The following HFM1 variants were observed in gnomAD, a reference collection of about 807,000 sequenced individuals.
The protein encoded by HFM1 is probable ATP-dependent DNA helicase HFM1.
A neutral mutation model predicts 192.1 loss-of-function variants in HFM1; 169 were observed. That is an observed-to-expected ratio of 0.88 (90% confidence interval 0.78 to 1.00). HFM1 has a LOEUF of 1.00. HFM1 is among the 50% of genes least tolerant of loss of function. The pLI, the probability that HFM1 is intolerant of heterozygous loss-of-function variation, is 0.00. For missense variants in HFM1, 1,661 were observed against 1,668.0 expected (o/e 1.00, Z 0.07); for synonymous variants, 525 against 537.8 (o/e 0.98, Z 0.33).
intron 20 of HFM1, chr1:91,329,177 G>A: frequency 6.2e-7 from 1 of 1,610,134 alleles, no homozygotes; most frequent in Non-Finnish European, 8.5e-7. Context: ...ACCCCAACAA[G>A]TACCCTTTGC....
intron 4 of HFM1, among the ~76,000 whole-genome samples, chr1:91,387,772 CGGGGGAG>C (rs1292561486): frequency 1.9e-5 from 1 of 53,742 alleles, no homozygotes; most frequent in Non-Finnish European, 3.6e-5. Context: ...GTGGTGGGGT[CGGGGGAG>C]GGGGGAGGGA....
At chr1:91,385,958 G>T in intron 4 of HFM1, 124 bp from the exon 5 acceptor site, 1 of 716,444 alleles carries the variant, frequency 1.4e-6, no homozygotes, top group East Asian at 2.6e-5. Context: ...AAACAAAAAA[G>T]CTAAACATTC....
intron 30 of HFM1, among the ~76,000 whole-genome samples, chr1:91,310,282 T>C (rs1557826946): frequency 6.6e-6 from 1 of 152,116 alleles, no homozygotes; most frequent in African/African-American, 2.4e-5. Flanking sequence ...CTTCAAAATA[T>C]GGATGGAAAA....
chr1:91,308,482 A>G (rs973752592), intron 30 of HFM1, among the ~76,000 whole-genome samples: 1 of 152,044 alleles, frequency 6.6e-6, no homozygotes, highest in African/African-American at 2.4e-5. Context: ...CTTTTCATGC[A>G]TTTACCTATT....
In HFM1 at chr1:91,291,616, C is replaced by A. The variant is rs568400326; in HGVS notation, c.3392-14554G>T. Among the ~76,000 whole-genome samples, 3 of 152,242 alleles carry A rather than the reference C, an allele frequency of 2.0e-5. No homozygotes were observed. The South Asian group carries it at 6.2e-4, about 32-fold the overall frequency. On this transcript the variant is annotated intron_variant, in intron 30 of 38. Transcript: ENST00000370425. ...AGATGGATTCATAGCCGAATTCTAC[C>A]AGAGGTACAAGTAGGAACTGGTACC...
At chr1:91,396,920 G>T (rs1265329776) in intron 2 of HFM1, among the ~76,000 whole-genome samples, 1 of 152,178 alleles carries the variant, frequency 6.6e-6, no homozygotes, top group African/African-American at 2.4e-5. Context: ...GAGCATTACT[G>T]CCTGAGCTCT....
At chr1:91,268,576 C>T (rs1665986235) in intron 34 of HFM1, among the ~76,000 whole-genome samples, 1 of 151,972 alleles carries the variant, frequency 6.6e-6, no homozygotes, top group Admixed American at 6.6e-5. Flanking sequence ...CAGTTTTACA[C>T]AGTATTGTGC....
rs1403178123 is a variant in HFM1 at position 91,319,397 on chromosome 1, G to A, written c.2583-7C>T. 3.2e-6 allele frequency: 5 copies of A among 1,579,242 alleles called. No homozygotes were observed. The highest frequency in any genetic ancestry group is 4.3e-6 in the Non-Finnish European group (5 of 1,150,026). On this transcript the variant is annotated splice_region_variant and splice_polypyrimidine_tract_variant and intron_variant, in intron 23 of 38. Coordinates refer to ENST00000370425, the MANE Select transcript of HFM1 (RefSeq NM_001017975.6). Reference sequence around the variant, plus strand: ...TAGTTGAGCCTGAATAAGACTGGGGGAAAGAAAAAAAATTGTTACTCCCTT... The same window carrying A: ...TAGTTGAGCCTGAATAAGACTGGGGAAAAGAAAAAAAATTGTTACTCCCTT...
intron 4 of HFM1, among the ~76,000 whole-genome samples, chr1:91,387,913 T>TAATTAAAAAAAAAA (rs971736788): frequency 1.1e-5 from 1 of 87,442 alleles, no homozygotes; most frequent in Non-Finnish European, 2.3e-5. Flanking sequence ...ACTTAGAGTA[T>TAATTAAAAAAAAAA]AATTAAAAAA....
chr1:91,382,383 C>A (rs1196154926), intron 6 of HFM1, among the ~76,000 whole-genome samples: 2 of 152,146 alleles, frequency 1.3e-5, no homozygotes, highest in East Asian at 3.8e-4. Flanking sequence ...CCTCCCCACC[C>A]TCATCCCAAG....
chr1:91,385,838 C>A lies in HFM1; in HGVS notation c.495-4G>T. ...ATTGTCAGATATTTTAAATAATCTG[C>A]AAACAAAAAAAAGACCCACATATTT... On this transcript the variant is annotated splice_region_variant and splice_polypyrimidine_tract_variant and intron_variant, in intron 4 of 38. Transcript: ENST00000370425. The A allele has an allele frequency of 1.3e-6, 2 of 1,577,626 alleles. No individual in the cohort carries two copies. The highest frequency in any genetic ancestry group is 3.8e-5 in the Admixed American group (2 of 53,156).
At chr1:91,372,773 T>G (rs752797156) in intron 13 of HFM1, among the ~76,000 whole-genome samples, 3 of 152,108 alleles carry the variant, frequency 2.0e-5, no homozygotes, top group Admixed American at 6.6e-5. Flanking sequence ...TAAAACTACA[T>G]GCAGTTGGTA....
At chr1:91,270,483 T>C (rs979522668) in intron 34 of HFM1, among the ~76,000 whole-genome samples, 1 of 151,080 alleles carries the variant, frequency 6.6e-6, no homozygotes, top group African/African-American at 2.4e-5. Flanking sequence ...AGATGGGAGA[T>C]ACAGCTTTAG....
At chr1:91,391,033 C>A (rs1381940074) in intron 4 of HFM1, among the ~76,000 whole-genome samples, 1 of 152,110 alleles carries the variant, frequency 6.6e-6, no homozygotes, top group Non-Finnish European at 1.5e-5. Context: ...ACCTAGGAAT[C>A]CAACTTACAA....
chr1:91,400,405 C>T (rs1315689820), intron 2 of HFM1, among the ~76,000 whole-genome samples: 2 of 152,166 alleles, frequency 1.3e-5, no homozygotes, highest in African/African-American at 4.8e-5. Context: ...AGCATTATTT[C>T]CCATCTTTAG....
chr1:91,404,989 C>T (rs1481935658), upstream of HFM1: 1 of 369,160 alleles, frequency 2.7e-6, no homozygotes, highest in African/African-American at 2.2e-5. Context: ...TGTCTATTCT[C>T]TTTAAATACA....
At position 91,263,296 on chromosome 1, in the gene HFM1, T is replaced by C. The variant is rs12082168; in HGVS notation, c.3975-704A>G. 4.8e-3 allele frequency among the ~76,000 whole-genome samples: 724 copies of C among 152,280 alleles called. 8 individuals are homozygous for C. Among genetic ancestry groups the C allele is most frequent in the African/African-American group, 0.017 (697 of 41,556 alleles). ...TGAGGTAACCATTTAAGTTGACACCTGAAGGCTAAAATGTAACAGCCATGT... is the reference window on the plus strand; with the variant it reads ...TGAGGTAACCATTTAAGTTGACACCCGAAGGCTAAAATGTAACAGCCATGT... On this transcript the variant is annotated intron_variant, in intron 36 of 38. Transcript: ENST00000370425.
chr1:91,310,606 T>C (rs1346320126), intron 30 of HFM1, among the ~76,000 whole-genome samples: 1 of 152,214 alleles, frequency 6.6e-6, no homozygotes, highest in East Asian at 1.9e-4. Context: ...TCTCCCAGAA[T>C]TCCCACGTGT....
At chr1:91,394,753 C>G (rs550723959) in intron 3 of HFM1, among the ~76,000 whole-genome samples, 37 of 152,100 alleles carry the variant, frequency 2.4e-4, no homozygotes, top group African/African-American at 8.2e-4. Flanking sequence ...ATGATTTACA[C>G]ACAGAAATAC....
Sources: allele counts gnomAD v4.1 joint callset (sites outside exome capture counted in the v4.1 genomes callset), GRCh38; gene constraint gnomAD v4.1.1; transcripts MANE v1.5; gene names NCBI Gene and HGNC (gene_info 2026-07-23, HGNC 2026-07-21).